The following ESYT3 variants were observed in gnomAD, a reference collection of about 807,000 sequenced individuals.
ESYT3 encodes the protein extended synaptotagmin-3.
In ESYT3, 101 loss-of-function variants were observed where a neutral mutation model predicts 111.5. That is an observed-to-expected ratio of 0.91 (90% CI 0.77 to 1.07). The LOEUF (loss-of-function observed/expected upper bound fraction) is 1.07, where lower values mean the gene tolerates loss of function less well. Among genes scored for constraint, ESYT3 ranks in the 50% least tolerant of loss-of-function variants. The pLI, the probability that ESYT3 is intolerant of heterozygous loss-of-function variation, is 0.00. For synonymous variants in ESYT3, 416 were observed against 446.8 expected, an observed-to-expected ratio of 0.93 and a Z score of 0.87; for missense variants, 1,097 against 1,109.4, an observed-to-expected ratio of 0.99 and a Z score of 0.16.
intron 6 of ESYT3, 64 bp from the exon 7 acceptor site, chr3:138,460,547 A>C (rs565670911): frequency 6.4e-7 from 1 of 1,553,698 alleles, no homozygotes; most frequent in African/African-American, 1.4e-5. Flanking sequence ...GGCTCTTGGC[A>C]GGGGGTTCTC....
intron 1 of ESYT3, among the ~76,000 whole-genome samples, chr3:138,446,416 G>A (rs577727098): frequency 2.6e-5 from 4 of 152,328 alleles, no homozygotes; most frequent in South Asian, 4.1e-4. Flanking sequence ...GGGCAAATAA[G>A]GGATTAGGTG....
At position 138,459,957 on chromosome 3, in the gene ESYT3, C is replaced by T. The variant is rs147568505; in HGVS notation, c.661C>T (p.Leu221=). The T allele has an allele frequency of 3.6e-3, 5,753 of 1,614,016 alleles. 13 individuals carry two copies. Among genetic ancestry groups the T allele is most frequent in the Non-Finnish European group, 4.4e-3 (5,229 of 1,179,916 alleles). The change falls in exon 6 of 23, where the codon CTG becomes TTG. Residue 221 remains leucine (L), a synonymous_variant. Transcript: ENST00000389567. Reference sequence around the variant, plus strand: ...TGTGCCTATCCAGTTGCAGGGCACCCTGCGGGTCATCCTGGAGCCCCTCCT... The same window carrying T: ...TGTGCCTATCCAGTTGCAGGGCACCTTGCGGGTCATCCTGGAGCCCCTCCT... ...GVNGIQLQGT[L]RVILEPLLVD...
At chr3:138,447,247 T>C (rs541173881) in intron 1 of ESYT3, among the ~76,000 whole-genome samples, 1 of 152,300 alleles carries the variant, frequency 6.6e-6, no homozygotes, top group Admixed American at 6.5e-5. Flanking sequence ...ACACATGGAA[T>C]AGTCATGGAA....
intron 1 of ESYT3, among the ~76,000 whole-genome samples, chr3:138,448,280 AAAAAAAAAAAAAAT>A (rs931051703): frequency 3.3e-5 from 5 of 150,676 alleles, no homozygotes; most frequent in Admixed American, 2.6e-4. Context: ...AAAAAAAAAA[AAAAAAAAAAAAAAT>A]GCAGGGGAGG....
At chr3:138,460,755 T>G (rs1576449690) in intron 7 of ESYT3, 89 bp downstream of exon 7, 1 of 1,356,322 alleles carries the variant, frequency 7.4e-7, no homozygotes, top group South Asian at 1.2e-5. Flanking sequence ...GCAATGGTGG[T>G]GCTTTCCCTC....
intron 20 of ESYT3, among the ~76,000 whole-genome samples, chr3:138,475,450 A>G (rs974337935): frequency 6.6e-6 from 1 of 152,198 alleles, no homozygotes; most frequent in Non-Finnish European, 1.5e-5. Flanking sequence ...CCCTAAAAAT[A>G]AACCTAAAAG....
At chr3:138,480,776 C>T (rs1467767197), downstream of ESYT3, 1 of 152,168 alleles carries the variant, frequency 6.6e-6, no homozygotes. Context: ...GTGTGTGTAA[C>T]TTGATAAGCA....
At position 138,459,254 on chromosome 3, in the gene ESYT3, G is replaced by T; in HGVS notation, c.648+1G>T. 1 of 1,556,830 alleles carries T rather than the reference G, an allele frequency of 6.4e-7. No homozygotes were observed. The highest frequency in any genetic ancestry group is 8.7e-7 in the Non-Finnish European group (1 of 1,144,052). On this transcript the variant is annotated splice_donor_variant, in intron 5 of 22. Transcript: ENST00000389567. LOFTEE classifies it high-confidence loss of function. ...TCAGGCTGGTGTGAACGGGATCCAGGTGGGTGGAGCCCGGTGGGGCTGCCT... is the reference window on the plus strand; with the variant it reads ...TCAGGCTGGTGTGAACGGGATCCAGTTGGGTGGAGCCCGGTGGGGCTGCCT...
At chr3:138,476,720 T>C in intron 22 of ESYT3, 98 bp from the exon 23 acceptor site, 1 of 1,271,228 alleles carries the variant, frequency 7.9e-7, no homozygotes, top group Non-Finnish European at 1.1e-6. Flanking sequence ...GTTCTGCTGG[T>C]CTTACAGAGG....
Position 138,464,419 on chromosome 3 carries a change from G to A in ESYT3, c.990G>A (p.Lys330=). The change falls in exon 9 of 23, where the codon AAG becomes AAA. Residue 330 remains lysine, a synonymous_variant. Transcript: ENST00000389567. ...QKDNFLGLRG[K]SDPYAKVSIG... Reference sequence around the variant, plus strand: ...ACAACTTTCTGGGGCTCCGAGGCAAGTCAGATCCCTACGCCAAGGTGAGCA... The same window carrying A: ...ACAACTTTCTGGGGCTCCGAGGCAAATCAGATCCCTACGCCAAGGTGAGCA... 1 of 1,614,176 alleles carries A rather than the reference G, an allele frequency of 6.2e-7. No individual in the cohort carries two copies.
Position 138,440,894 on chromosome 3 carries a change from G to A in ESYT3, c.327+5769G>A, listed in dbSNP as rs2031094544. ...GTGTGTCAGGCACAGAGCTGCAGGC[G>A]GGGCAGCATGAGTACACATGGCCCC... On this transcript the variant is annotated intron_variant, in intron 1 of 22. Transcript: ENST00000389567. The surrounding 1 kb of genome is among the most constrained non-coding windows in gnomAD (Gnocchi z 4.2). Among the ~76,000 whole-genome samples, 1 of 152,178 alleles carries A rather than the reference G, an allele frequency of 6.6e-6. No homozygotes were observed. Among genetic ancestry groups the A allele is most frequent in the African/African-American group, 2.4e-5 (1 of 41,446 alleles).
intron 17 of ESYT3, among the ~76,000 whole-genome samples, chr3:138,471,412 G>C (rs2033214621): frequency 6.6e-6 from 1 of 152,020 alleles, no homozygotes; most frequent in African/African-American, 2.4e-5. Flanking sequence ...TGTTTAACCT[G>C]TTCATAGTTT....
intron 10 of ESYT3, among the ~76,000 whole-genome samples, chr3:138,466,005 A>G (rs1025999325): frequency 4.6e-5 from 7 of 152,230 alleles, no homozygotes; most frequent in Non-Finnish European, 7.3e-5. Context: ...CTCAGAGAAC[A>G]CTGGCTGAAT....
chr3:138,457,489 C>T, intron 3 of ESYT3, 79 bp from the exon 4 acceptor site: 1 of 1,279,416 alleles, frequency 7.8e-7, no homozygotes, highest in Non-Finnish European at 1.1e-6. Flanking sequence ...GCTGACAAAG[C>T]CCAGTGCCGG....
chr3:138,471,406 T>A (rs2033214480), intron 17 of ESYT3, among the ~76,000 whole-genome samples: 1 of 152,236 alleles, frequency 6.6e-6, no homozygotes, highest in Non-Finnish European at 1.5e-5. Flanking sequence ...GTTTGCTGTT[T>A]AACCTGTTCA....
rs779544415 is a variant in ESYT3 at position 138,468,684 on chromosome 3, CGTG to C, written c.1341_1343del (p.Val448del). The C allele has an allele frequency of 1.4e-4, 223 of 1,614,138 alleles. 1 individual carries two copies. In the South Asian group the frequency reaches 2.2e-3, roughly 16 times the overall value. ...ATGGTGGCCTTTCCACTGCCATTCT[CGTG>C]GTCTTCTTGGAGAGTGCCTGCAACT... On this transcript the variant is annotated inframe_deletion, in exon 13 of 23. Coordinates refer to ENST00000389567, the MANE Select transcript of ESYT3 (RefSeq NM_031913.5).
In ESYT3 at chr3:138,476,898, A is replaced by G; in HGVS notation, c.*44A>G. 6.6e-7 allele frequency: 1 copy of G among 1,513,762 alleles called. No homozygotes were observed. Among genetic ancestry groups the G allele is most frequent in the Non-Finnish European group, 9.0e-7 (1 of 1,111,344 alleles). The allele number at this position is 1,513,762 out of a possible 1,614,324, so 93.8% of individuals were successfully genotyped here. A position where few individuals can be genotyped will look rare whatever the true frequency, so the allele number is the denominator to read the frequency against. ...CTCACCTTTATATTAAAATGTATATATATGTATATATTTTTTCCTTTGGAT... is the reference window on the plus strand; with the variant it reads ...CTCACCTTTATATTAAAATGTATATGTATGTATATATTTTTTCCTTTGGAT... On this transcript the variant is annotated 3_prime_UTR_variant, in exon 23 of 23. Transcript: ENST00000389567.
rs1219391959 is a variant in ESYT3, at chr3:138,478,911, G to T, written c.*2057G>T. ...GTACAGAAACCCCCAAACCTAAGAC[G>T]GAATGTGAATATTGGTTTAGAACCT... is the stretch of plus-strand genomic sequence containing the variant. On this transcript the variant is annotated 3_prime_UTR_variant, in exon 23 of 23. Coordinates refer to ENST00000389567, the MANE Select transcript of ESYT3 (RefSeq NM_031913.5). 6.6e-6 allele frequency: 1 copy of T among 152,130 alleles called. No homozygotes were observed. The highest frequency in any genetic ancestry group is 1.5e-5 in the Non-Finnish European group (1 of 68,026). 9.4% of individuals were successfully genotyped at this position (152,130 alleles called of 1,614,324 possible). A position where few individuals can be genotyped will look rare whatever the true frequency, so the allele number is the denominator to read the frequency against.
intron 1 of ESYT3, among the ~76,000 whole-genome samples, chr3:138,438,983 TG>T (rs1251900288): frequency 3.3e-5 from 5 of 152,204 alleles, no homozygotes; most frequent in African/African-American, 4.8e-5. Flanking sequence ...AGTGTTTATG[TG>T]TACTTTTGAA....
Sources: allele counts gnomAD v4.1 joint callset (sites outside exome capture counted in the v4.1 genomes callset), GRCh38; gene constraint gnomAD v4.1.1; non-coding constraint Gnocchi (gnomAD v3.1); transcripts MANE v1.5; gene names NCBI Gene and HGNC (gene_info 2026-07-23, HGNC 2026-07-21).